Variants in APTX observed in about 807,000 individuals in gnomAD.
The protein encoded by APTX is aprataxin.
In APTX, 33 loss-of-function variants were observed where a neutral mutation model predicts 42.3. That is an observed-to-expected ratio of 0.78 (90% confidence interval 0.59 to 1.04). APTX has a LOEUF of 1.04. Among genes scored for constraint, APTX ranks in the 50% least tolerant of loss-of-function variants. The probability of loss-of-function intolerance (pLI) is 0.00; values close to 1 mark genes in which losing one functional copy is unlikely to be tolerated. For synonymous variants in APTX, 130 were observed against 146.7 expected (o/e 0.89, Z 0.82); for missense variants, 421 against 415.1 (o/e 1.01, Z -0.12).
At chr9:33,011,486 C>T (rs1346705582) in intron 1 of APTX, among the ~76,000 whole-genome samples, 3 of 151,992 alleles carry the variant, frequency 2.0e-5, no homozygotes, top group Non-Finnish European at 4.4e-5. Context: ...GGGGTTTCAC[C>T]ATCTTGGCCA....
chr9:32,975,657 CT>C (rs1269077787), intron 6 of APTX, among the ~76,000 whole-genome samples: 1 of 152,092 alleles, frequency 6.6e-6, no homozygotes, highest in African/African-American at 2.4e-5. Flanking sequence ...TGAGATCATG[CT>C]ACTGCACTCC....
Position 33,018,811 on chromosome 9 carries a change from G to A in APTX, c.-5+6212C>T, listed in dbSNP as rs1468917395. On this transcript the variant is annotated intron_variant, in intron 1 of 6. Transcript: ENST00000436040. ...GGAGAATTGCTGGAACCTGGGAGGCGGAGGTTGCAGTGACCCAACATCACG... is the reference window on the plus strand; with the variant it reads ...GGAGAATTGCTGGAACCTGGGAGGCAGAGGTTGCAGTGACCCAACATCACG... Among the ~76,000 whole-genome samples, 3 of 152,138 alleles carry A rather than the reference G, an allele frequency of 2.0e-5. No homozygotes were observed. In the East Asian group the frequency reaches 5.8e-4, roughly 29 times the overall value.
At chr9:33,001,437 C>T in intron 1 of APTX, 130 bp downstream of exon 1, 1 of 1,554,958 alleles carries the variant, frequency 6.4e-7, no homozygotes, top group Non-Finnish European at 8.6e-7. Context: ...GAGAAAGCAG[C>T]CGTGAGAGCA....
chr9:32,988,126 T>C lies in APTX; in HGVS notation c.137A>G (p.Gln46Arg), dbSNP rs1367373068. ...TDKKCSRQQV[Q>R]LKAECNKGYV... ...TCCCTTGTTACACTCTGCTTTCAAC[T>C]GTACTGAAAGAGATTGGAAAAAGTT... The change falls in exon 3 of 8, where the codon CAG becomes CGG. Residue 46 changes from glutamine (Q) to arginine (R), a missense_variant. Coordinates refer to ENST00000379817, the MANE Select transcript of APTX (RefSeq NM_001195248.2). 5.0e-6 allele frequency: 8 copies of C among 1,613,890 alleles called. No homozygotes were observed. The African/African-American group carries it at 8.0e-5, about 16-fold the overall frequency.
chr9:33,021,233 C>T (rs916700353), intron 1 of APTX, among the ~76,000 whole-genome samples: 8 of 151,244 alleles, frequency 5.3e-5, no homozygotes, highest in African/African-American at 1.9e-4. Context: ...CCTAGTAACA[C>T]ATTTAAGAAG....
At chr9:32,981,161 G>C (rs1402752998) in intron 6 of APTX, among the ~76,000 whole-genome samples, 1 of 152,158 alleles carries the variant, frequency 6.6e-6, no homozygotes, top group African/African-American at 2.4e-5. Flanking sequence ...CTGTACTCTA[G>C]TTAGTAAATG....
At chr9:32,990,135 G>A in intron 1 of APTX, 3 of 543,988 alleles carry the variant, frequency 5.5e-6, no homozygotes, top group South Asian at 4.8e-5. Context: ...CCTGAATCAT[G>A]CTAGGCAATC....
At chr9:33,021,602 T>C (rs1036463467) in intron 1 of APTX, among the ~76,000 whole-genome samples, 1 of 152,160 alleles carries the variant, frequency 6.6e-6, no homozygotes, top group Non-Finnish European at 1.5e-5. Flanking sequence ...GCAGGACAAC[T>C]GCTTGAGCCC....
Position 32,973,365 on chromosome 9 carries a change from A to T in APTX, c.*133T>A. 1 of 1,085,830 alleles carries T rather than the reference A, an allele frequency of 9.2e-7. No homozygotes were observed. Among genetic ancestry groups the T allele is most frequent in the Non-Finnish European group, 1.4e-6 (1 of 718,898 alleles). 67.3% of individuals were successfully genotyped at this position (1,085,830 alleles called of 1,614,324 possible). A position where few individuals can be genotyped will look rare whatever the true frequency, so the allele number is the denominator to read the frequency against. ...CCACTCTACATTGTGGCCACTCAAT[A>T]ATAGAATAAATTTGTGAAAAAGCTG... is the stretch of plus-strand genomic sequence containing the variant. On this transcript the variant is annotated 3_prime_UTR_variant, in exon 8 of 8. Transcript: ENST00000379817.
rs116815585 is a variant in APTX, at chr9:33,023,160, C to T, written c.-5+1863G>A. ...TCCTTTATTAGCATTTAACACTCAA[C>T]TGTTTGTTTCTGGTTCCCTATGTTG... is the stretch of plus-strand genomic sequence containing the variant. On this transcript the variant is annotated intron_variant, in intron 1 of 6. Coordinates refer to the APTX transcript ENST00000436040. 3.6e-3 allele frequency among the ~76,000 whole-genome samples: 542 copies of T among 151,338 alleles called. 1 individual carries two copies. The highest frequency in any genetic ancestry group is 0.013 in the African/African-American group (519 of 41,258).
intron 1 of APTX, among the ~76,000 whole-genome samples, chr9:32,995,690 A>T (rs1389063444): frequency 6.6e-6 from 1 of 152,134 alleles, no homozygotes; most frequent in African/African-American, 2.4e-5. Flanking sequence ...GATCGAGACC[A>T]TCCTGGCTAA....
At chr9:33,023,124 C>A (rs2119339058) in intron 1 of APTX, among the ~76,000 whole-genome samples, 1 of 152,178 alleles carries the variant, frequency 6.6e-6, no homozygotes, top group Non-Finnish European at 1.5e-5. Context: ...CCACCATGCA[C>A]CCCCTACTCT....
At chr9:33,024,624 A>T (rs951641344) in intron 1 of APTX, among the ~76,000 whole-genome samples, 5 of 152,166 alleles carry the variant, frequency 3.3e-5, no homozygotes, top group Non-Finnish European at 7.4e-5. Context: ...AGTCCCAGAC[A>T]CACTGAGCTC....
intron 6 of APTX, among the ~76,000 whole-genome samples, chr9:32,976,716 C>T (rs534329187): frequency 7.1e-4 from 108 of 152,268 alleles, no homozygotes; most frequent in Middle Eastern, 3.4e-3. Context: ...AAACAGTGTT[C>T]TTCTCCAAAA....
chr9:33,024,608 T>C (rs1217508642), intron 1 of APTX, among the ~76,000 whole-genome samples: 2 of 152,180 alleles, frequency 1.3e-5, no homozygotes, highest in Admixed American at 1.3e-4. Context: ...TCTCACTGTT[T>C]AGCTCAGTCC....
intron 1 of APTX, among the ~76,000 whole-genome samples, chr9:32,991,979 G>A (rs1833757580): frequency 6.6e-6 from 1 of 152,162 alleles, no homozygotes; most frequent in Admixed American, 6.5e-5. Context: ...ATGTGGGTAT[G>A]AAGCTCAAGA....
intron 1 of APTX, 54 bp downstream of exon 1, chr9:33,001,513 C>T: frequency 6.2e-7 from 1 of 1,612,254 alleles, no homozygotes. Flanking sequence ...GCCGAACGCT[C>T]ACCCGCGGCA....
intron 5 of APTX, 136 bp downstream of exon 5, chr9:32,985,835 T>C: frequency 1.2e-6 from 1 of 850,596 alleles, no homozygotes; most frequent in Non-Finnish European, 1.9e-6. Flanking sequence ...AAGCCTCTTG[T>C]TCTCACAGAA....
At chr9:32,989,984 T>C (rs1833179569) in intron 1 of APTX, 89 bp from the exon 2 acceptor site, 1 of 1,508,942 alleles carries the variant, frequency 6.6e-7, no homozygotes, top group Non-Finnish European at 9.0e-7. Flanking sequence ...ACGCATGTGA[T>C]CTACCAGCTG....
Sources: allele counts gnomAD v4.1 joint callset (sites outside exome capture counted in the v4.1 genomes callset), GRCh38; gene constraint gnomAD v4.1.1; transcripts MANE v1.5; gene names NCBI Gene and HGNC (gene_info 2026-07-23, HGNC 2026-07-21).